AMPH: variants seen among roughly 807,000 people sequenced by gnomAD.
AMPH encodes the protein amphiphysin.
Under a neutral mutation model 99.1 loss-of-function variants are expected in AMPH, and 49 were observed. The observed-to-expected ratio is 0.49, with a 90% confidence interval of 0.39 to 0.63. The LOEUF (loss-of-function observed/expected upper bound fraction) is 0.63. Ranked by LOEUF, AMPH falls within the 20% of genes least tolerant of loss-of-function variation. The pLI is 0.00. For synonymous variants in AMPH, 314 were observed against 317.3 expected (o/e 0.99, Z 0.11); for missense variants, 759 against 863.4 (o/e 0.88, Z 1.52).
chr7:38,502,177 C>T (rs1311296637), intron 3 of AMPH, among the ~76,000 whole-genome samples: 3 of 152,200 alleles, frequency 2.0e-5, no homozygotes, highest in Non-Finnish European at 4.4e-5. Flanking sequence ...TTAAGTTTTA[C>T]ATACTTACGA....
At chr7:38,576,606 T>G (rs900743521) in intron 1 of AMPH, among the ~76,000 whole-genome samples, 1 of 152,158 alleles carries the variant, frequency 6.6e-6, no homozygotes, top group African/African-American at 2.4e-5. Flanking sequence ...CTTTGTCTTA[T>G]TTATCAGAAT....
intron 1 of AMPH, among the ~76,000 whole-genome samples, chr7:38,608,965 G>A (rs986284): frequency 0.81 from 124,025 of 152,242 alleles, 51,741 homozygotes; most frequent in African/African-American, 0.91. Context: ...CGTGCTTTAC[G>A]TAGTCAATGA....
chr7:38,566,127 C>T, intron 1 of AMPH, among the ~76,000 whole-genome samples: 1 of 151,988 alleles, frequency 6.6e-6, no homozygotes, highest in East Asian at 1.9e-4. Flanking sequence ...GACCTGTTTG[C>T]TTTTGTAGTA....
In AMPH at chr7:38,391,881, G is replaced by A. The variant is rs764013614; in HGVS notation, c.1745C>T (p.Pro582Leu). The change falls in exon 19 of 21, where the codon CCG becomes CTG. Residue 582 changes from proline (P) to leucine (L), a missense_variant. Physicochemically the swap from Pro to Leu is moderately conservative, Grantham distance 98. Transcript: ENST00000356264. ...AAPPGPTSETPELATEQKPIQ... is the reference protein window; with the variant it reads ...AAPPGPTSETLELATEQKPIQ... ...AGGCTTCTGCTCCGTAGCCAGCTCCGGTGTCTCGCTGGTGGGGCCCGGAGG... is the reference window on the plus strand; with the variant it reads ...AGGCTTCTGCTCCGTAGCCAGCTCCAGTGTCTCGCTGGTGGGGCCCGGAGG... The A allele has an allele frequency of 3.7e-6, 6 of 1,612,662 alleles. No individual in the cohort carries two copies. The Admixed American group carries it at 8.4e-5, about 22-fold the overall frequency.
At chr7:38,446,188 A>T (rs955151032) in intron 11 of AMPH, among the ~76,000 whole-genome samples, 1 of 152,246 alleles carries the variant, frequency 6.6e-6, no homozygotes, top group Non-Finnish European at 1.5e-5. Context: ...GATGTGGAAG[A>T]ACTAGAACTC....
At chr7:38,433,779 CTG>C (rs1190181369) in intron 12 of AMPH, among the ~76,000 whole-genome samples, 1 of 148,920 alleles carries the variant, frequency 6.7e-6, no homozygotes, top group Admixed American at 6.7e-5. Context: ...GTGCATGTCT[CTG>C]TATAATGCAC....
At chr7:38,414,052 T>C (rs1336236619) in intron 17 of AMPH, among the ~76,000 whole-genome samples, 1 of 152,194 alleles carries the variant, frequency 6.6e-6, no homozygotes, top group Non-Finnish European at 1.5e-5. Flanking sequence ...ATTCTCCAGA[T>C]CCAGAACAGA....
intron 2 of AMPH, among the ~76,000 whole-genome samples, chr7:38,533,682 T>C (rs1790494470): frequency 6.6e-6 from 1 of 152,134 alleles, no homozygotes; most frequent in South Asian, 2.1e-4. Context: ...GAGGCTATAA[T>C]TCCCTCTGTG....
chr7:38,534,591 C>G (rs562447321), intron 2 of AMPH, among the ~76,000 whole-genome samples: 1 of 152,314 alleles, frequency 6.6e-6, no homozygotes, highest in African/African-American at 2.4e-5. Flanking sequence ...GGGAGGATCA[C>G]CTGAATCCAA....
intron 1 of AMPH, among the ~76,000 whole-genome samples, chr7:38,602,360 T>C (rs960559824): frequency 2.0e-5 from 3 of 152,234 alleles, no homozygotes; most frequent in African/African-American, 7.2e-5. Flanking sequence ...AACTATTTGT[T>C]CTGGGGGTCA....
At chr7:38,424,472 AAG>A (rs532661151) in intron 15 of AMPH, among the ~76,000 whole-genome samples, 155 of 152,314 alleles carry the variant, frequency 1.0e-3, no homozygotes, top group African/African-American at 3.6e-3. Flanking sequence ...AGTAAACAAA[AAG>A]AGTTATTGGA....
intron 5 of AMPH, among the ~76,000 whole-genome samples, chr7:38,480,092 C>T (rs555077830): frequency 3.1e-4 from 47 of 152,152 alleles, no homozygotes; most frequent in African/African-American, 1.1e-3. Flanking sequence ...ATGGTTATGG[C>T]TTACAAGGCA....
intron 4 of AMPH, among the ~76,000 whole-genome samples, chr7:38,493,948 C>T (rs1788824372): frequency 6.6e-6 from 1 of 152,044 alleles, no homozygotes; most frequent in African/African-American, 2.4e-5. Context: ...GTTTTATGAT[C>T]ATCTTCACTT....
chr7:38,577,819 GA>G (rs1436458105), intron 1 of AMPH, among the ~76,000 whole-genome samples: 1 of 141,200 alleles, frequency 7.1e-6, no homozygotes, highest in Non-Finnish European at 1.6e-5. Context: ...AAGACAGGAA[GA>G]AAGGAAGGAA....
rs746922836 is a variant in AMPH at position 38,428,605 on chromosome 7, TG to T, written c.1182+1236del. 36 of 456,612 alleles carry T rather than the reference TG, an allele frequency of 7.9e-5. 1 individual carries two copies. The highest frequency in any genetic ancestry group is 5.6e-4 in the South Asian group (36 of 64,576). 28.3% of individuals were successfully genotyped at this position (456,612 alleles called of 1,614,324 possible). A position where few individuals can be genotyped will look rare whatever the true frequency, so the allele number is the denominator to read the frequency against. ...GGAGTGTCTATTGCATTTTTCTTTATGTCTTTTCTAGTCAAATCCCATCCCT... is the reference window on the plus strand; with the variant it reads ...GGAGTGTCTATTGCATTTTTCTTTATTCTTTTCTAGTCAAATCCCATCCCT... On this transcript the variant is annotated intron_variant, in intron 14 of 20. Coordinates refer to ENST00000356264, the MANE Select transcript of AMPH (RefSeq NM_001635.4).
intron 1 of AMPH, among the ~76,000 whole-genome samples, chr7:38,609,235 A>C (rs746186986): frequency 2.6e-5 from 4 of 152,218 alleles, no homozygotes; most frequent in Non-Finnish European, 4.4e-5. Context: ...ATATGCACGC[A>C]GCACACAGGA....
chr7:38,384,557 G>C lies in AMPH; in HGVS notation c.*261C>G, dbSNP rs1412475957. The C allele has an allele frequency of 2.7e-6, 1 of 373,336 alleles. No homozygotes were observed. The allele number at this position is 373,336 out of a possible 1,614,324, so 23.1% of individuals were successfully genotyped here. ...TTTAGAATTGGTGGGAGGGGATCAA[G>C]TACAAGAGTCTCCACAGCTTGGACA... On this transcript the variant is annotated 3_prime_UTR_variant, in exon 21 of 21. Transcript: ENST00000356264.
At chr7:38,517,967 C>G (rs2129033081) in intron 2 of AMPH, among the ~76,000 whole-genome samples, 1 of 152,296 alleles carries the variant, frequency 6.6e-6, no homozygotes, top group Non-Finnish European at 1.5e-5. Context: ...AAGGGCTGAA[C>G]AGTTTTGGGA....
In AMPH at chr7:38,630,434, C is replaced by T. The variant is rs1370969436; in HGVS notation, c.69+849G>A. On this transcript the variant is annotated intron_variant, in intron 1 of 20. Transcript: ENST00000356264. ...GGACCTGGGTTTCATTCATGCACGT[C>T]TCTGGGGAAAAAAAATAAATTACTG... 2.0e-5 allele frequency among the ~76,000 whole-genome samples: 3 copies of T among 152,078 alleles called. No individual in the cohort carries two copies. The East Asian group carries it at 5.8e-4, about 29-fold the overall frequency.
Sources: gnomAD v4.1 joint callset for allele counts (sites outside exome capture counted in the v4.1 genomes callset) on GRCh38, gnomAD v4.1.1 for gene constraint, MANE v1.5 for transcripts, NCBI Gene and HGNC (gene_info 2026-07-23, HGNC 2026-07-21) for gene names.